PLXNA3: variants seen among roughly 807,000 people sequenced by gnomAD.
The protein encoded by PLXNA3 is plexin A3, also known as plexin-A3.
Under a neutral mutation model 118.8 loss-of-function variants are expected in PLXNA3, and 52 were observed. That is an observed-to-expected ratio of 0.44 (90% CI 0.35 to 0.55). PLXNA3 has a LOEUF of 0.55. PLXNA3 is among the 20% of genes least tolerant of loss of function. PLXNA3 has a pLI of 0.01. For synonymous variants in PLXNA3, 925 were observed against 762.4 expected, an observed-to-expected ratio of 1.21 and a Z score of -3.51; for missense variants, 1,660 against 1,730.8, an observed-to-expected ratio of 0.96 and a Z score of 0.73.
At position 154,464,413 on chromosome X, in the gene PLXNA3, A is replaced by G. The variant is rs782807131; in HGVS notation, c.1840A>G (p.Thr614Ala). ...CGGGACTGCTGCAGGGGCCACCCGC[A>G]CTGTGCGGCTGCAGCTTCTCTCCAA... is the stretch of plus-strand genomic sequence containing the variant. ...ALTRGHGATR[T>A]VRLQLLSKET... The change falls in exon 9 of 33, where the codon ACT becomes GCT. Residue 614 changes from threonine to alanine, a missense_variant. By Grantham distance (58) the Thr-to-Ala change is moderately conservative (BLOSUM62 0). Coordinates refer to ENST00000369682, the MANE Select transcript of PLXNA3 (RefSeq NM_017514.5). 21 of 1,209,107 alleles carry G rather than the reference A, an allele frequency of 1.7e-5. No individual in the cohort carries two copies. Among genetic ancestry groups the G allele is most frequent in the South Asian group, 3.5e-5 (2 of 56,884 alleles).
At position 154,474,834 on chromosome X, in the gene PLXNA3, C is replaced by A. The variant is rs1375039314; in HGVS notation, c.*2149C>A. The A allele has an allele frequency of 1.1e-5, 1 of 87,588 alleles. No individual in the cohort carries two copies. Among genetic ancestry groups the A allele is most frequent in the African/African-American group, 4.4e-5 (1 of 22,881 alleles). 7.2% of individuals were successfully genotyped at this position (87,588 alleles called of 1,213,427 possible). ...AGACGGGATCTTGCCCTGTTGCCCA[C>A]GCTGGAGTGCAGTGGCAAAATCAAC... On this transcript the variant is annotated 3_prime_UTR_variant, in exon 33 of 33. Coordinates refer to ENST00000369682, the MANE Select transcript of PLXNA3 (RefSeq NM_017514.5).
chrX:154,466,713 C>T lies in PLXNA3; in HGVS notation c.3027C>T (p.Asn1009=), dbSNP rs782205745. ...TCACACTTGCCATTGACCGGGCTAA[C>T]ATCTCCAGCCCCGGGCTCATCTACA... The part of the protein sequence containing the change: ...APITLAIDRA[N]ISSPGLIYTY... Residue 1009 remains asparagine, a synonymous_variant, in exon 17 of 33, where the codon AAC becomes AAT. Transcript: ENST00000369682. 5.2e-5 allele frequency: 62 copies of T among 1,195,068 alleles called. No homozygotes were observed. Among genetic ancestry groups the T allele is most frequent in the Non-Finnish European group, 6.5e-5 (58 of 887,418 alleles).
At position 154,465,637 on chromosome X, in the gene PLXNA3, A is replaced by C. The variant is rs374247434; in HGVS notation, c.2342-20A>C. ...TTCTGCCACTGCCTGCTCCGTCAGC[A>C]GTGCCTTCTGTGCCTGCAGCCCTCC... On this transcript the variant is annotated intron_variant, in intron 12 of 32. Transcript: ENST00000369682. 4 of 1,202,695 alleles carry C rather than the reference A, an allele frequency of 3.3e-6. No homozygotes were observed. In the African/African-American group the frequency reaches 5.2e-5, roughly 16 times the overall value.
At chrX:154,469,025 A>G in intron 25 of PLXNA3, 31 bp from the exon 26 acceptor site, 4 of 1,210,346 alleles carry the variant, frequency 3.3e-6, no homozygotes, top group Non-Finnish European at 1.1e-6. Context: ...GCCTCGCCCC[A>G]GACTGACACT....
In PLXNA3 at chrX:154,466,186, C is replaced by T; in HGVS notation, c.2715C>T (p.Ser905=). 8.3e-7 allele frequency: 1 copy of T among 1,210,095 alleles called. No homozygotes were observed. The highest frequency in any genetic ancestry group is 1.1e-6 in the Non-Finnish European group (1 of 895,464). ...AGATGGAGGAGTCGCTGGTGCCCAG[C>T]CCGCCGCCGGGGCCCGTGGAGCTGT... ...VCEMEESLVP[S]PPPGPVELCV... is the part of the protein sequence containing the mutation. The change falls in exon 15 of 33, where the codon AGC becomes AGT. Residue 905 remains serine, a synonymous_variant. Coordinates refer to ENST00000369682, the MANE Select transcript of PLXNA3 (RefSeq NM_017514.5).
rs781998342 is a variant in PLXNA3, at chrX:154,460,806, C to T, written c.594+29C>T. 16 of 1,011,698 alleles carry T rather than the reference C, an allele frequency of 1.6e-5. No homozygotes were observed. The East Asian group carries it at 3.4e-4, about 22-fold the overall frequency. 83.4% of individuals were successfully genotyped at this position (1,011,698 alleles called of 1,213,427 possible). A position where few individuals can be genotyped will look rare whatever the true frequency, so the allele number is the denominator to read the frequency against. ...CGTGAGCCTTCCTTCTCTTCTTCCT[C>T]CACCCAGTCCTGGCTCTGCCTCCCA... On this transcript the variant is annotated intron_variant, in intron 2 of 32. Coordinates refer to ENST00000369682, the MANE Select transcript of PLXNA3 (RefSeq NM_017514.5).
rs782590322 is a variant in PLXNA3, at chrX:154,466,813, G to T, written c.3107+20G>T. 7.0e-6 allele frequency: 8 copies of T among 1,150,884 alleles called. No individual in the cohort carries two copies. The highest frequency in any genetic ancestry group is 2.4e-4 in the Middle Eastern group (1 of 4,129). 94.8% of individuals were successfully genotyped at this position (1,150,884 alleles called of 1,213,427 possible). On this transcript the variant is annotated intron_variant, in intron 17 of 32. Coordinates refer to ENST00000369682, the MANE Select transcript of PLXNA3 (RefSeq NM_017514.5). ...CATCAAGTAAGACCCTGGGGGACTG[G>T]GGAGCCTGGCAGTGTCCAGAGGGCT... is the stretch of plus-strand genomic sequence containing the variant.
At chrX:154,472,436 C>A (rs1408132509) in intron 32 of PLXNA3, among the ~76,000 whole-genome samples, 154 bp from the exon 33 acceptor site, 1 of 106,918 alleles carries the variant, frequency 9.4e-6, no homozygotes, top group Non-Finnish European at 1.9e-5. Flanking sequence ...GCATTTGGGG[C>A]TGGGGAGAGC....
chrX:154,464,612 C>A (rs1385325810), intron 9 of PLXNA3, 111 bp downstream of exon 9: 2 of 688,867 alleles, frequency 2.9e-6, no homozygotes, highest in Non-Finnish European at 2.2e-6. Context: ...AACTGTCAGG[C>A]CCTGATAGCC....
At position 154,468,365 on chromosome X, in the gene PLXNA3, C is replaced by T. The variant is rs782050805; in HGVS notation, c.4026C>T (p.Phe1342=). 7.4e-6 allele frequency: 9 copies of T among 1,209,027 alleles called. No homozygotes were observed. The highest frequency in any genetic ancestry group is 3.5e-5 in the South Asian group (2 of 56,848). ...GGCAGCTGCTGCACAGCCGCGCGTT[C>T]GTGCTTACCTTCATCCACACGCTGG... The part of the protein sequence containing the change: ...LFGQLLHSRA[F]VLTFIHTLEA... Residue 1342 remains phenylalanine, a synonymous_variant, in exon 23 of 33, where the codon TTC becomes TTT. Coordinates refer to ENST00000369682, the MANE Select transcript of PLXNA3 (RefSeq NM_017514.5).
rs781866776 is a variant in PLXNA3 at position 154,461,519 on chromosome X, C to G, written c.1015C>G (p.Leu339Val). 1.1e-5 allele frequency: 13 copies of G among 1,210,557 alleles called. No homozygotes were observed. Among genetic ancestry groups the G allele is most frequent in the South Asian group, 5.3e-5 (3 of 56,930 alleles). The change falls in exon 3 of 33, where the codon CTC becomes GTC. Residue 339 changes from leucine (L) to valine (V), a missense_variant. Around this residue, in one of 2 missense-constraint regions of PLXNA3, gnomAD observed 791 missense variants for 652.1 expected, o/e 1.21. Coordinates refer to ENST00000369682, the MANE Select transcript of PLXNA3 (RefSeq NM_017514.5). Reference protein sequence around the residue: ...ASPPRQTILCLFTLSNINAHI... With the variant: ...ASPPRQTILCVFTLSNINAHI... ...CCCACCCCGGCAGACCATCCTCTGCCTCTTCACCCTCAGCAACATCAATGC... is the reference window on the plus strand; with the variant it reads ...CCCACCCCGGCAGACCATCCTCTGCGTCTTCACCCTCAGCAACATCAATGC...
Position 154,465,708 on chromosome X carries a change from A to G in PLXNA3, c.2393A>G (p.Lys798Arg). 8.3e-7 allele frequency: 1 copy of G among 1,210,452 alleles called. No homozygotes were observed. Among genetic ancestry groups the G allele is most frequent in the Non-Finnish European group, 1.1e-6 (1 of 894,992 alleles). ...AQRPSCGLCL[K>R]ADPRFNCGWC... is the part of the protein sequence containing the mutation. ...CGGCCCAGCTGTGGCCTCTGCCTCA[A>G]GGCTGATCCCCGCTTCAACTGTGGC... Residue 798 changes from lysine (K) to arginine (R), a missense_variant, in exon 13 of 33, where the codon AAG becomes AGG. Lys to Arg is a conservative substitution (Grantham distance 26, BLOSUM62 2). This residue lies in a region of PLXNA3 where 869 missense variants were observed against 1,078.7 expected (regional missense o/e 0.81). Coordinates refer to ENST00000369682, the MANE Select transcript of PLXNA3 (RefSeq NM_017514.5).
chrX:154,461,421 A>G lies in PLXNA3; in HGVS notation c.917A>G (p.Gln306Arg), dbSNP rs781812398. ...GCCAAGCCTGGCCTGCTGCTGGCCC[A>G]GGCCCTGGGCGTGCCGGCTGATGAG... is the stretch of plus-strand genomic sequence containing the variant. ...HLAKPGLLLA[Q>R]ALGVPADEDV... The change falls in exon 3 of 33, where the codon CAG (glutamine) becomes CGG (arginine). Residue 306 changes from glutamine (Q) to arginine (R), a missense_variant. By Grantham distance (43) the Gln-to-Arg change is conservative. Transcript: ENST00000369682. The G allele has an allele frequency of 3.3e-6, 4 of 1,211,293 alleles. No homozygotes were observed. In the South Asian group the frequency reaches 7.0e-5, roughly 21 times the overall value.
In PLXNA3 at chrX:154,463,436, C is replaced by A; in HGVS notation, c.1363C>A (p.Pro455Thr). The change falls in exon 5 of 33, where the codon CCC becomes ACC. Residue 455 changes from proline to threonine, a missense_variant. Physicochemically the swap from Pro to Thr is conservative, Grantham distance 38. Coordinates refer to ENST00000369682, the MANE Select transcript of PLXNA3 (RefSeq NM_017514.5). ...FQDAHLYETV[P>T]VVDGSPILRD... is the part of the protein sequence containing the mutation. ...GGATGCCCACCTGTATGAGACAGTC[C>A]CCGTGGTGGATGGCAGCCCCATCCT... The A allele has an allele frequency of 8.3e-7, 1 of 1,209,842 alleles. No homozygotes were observed. Among genetic ancestry groups the A allele is most frequent in the Non-Finnish European group, 1.1e-6 (1 of 894,743 alleles).
In PLXNA3 at chrX:154,466,770, T is replaced by G; in HGVS notation, c.3084T>G (p.Leu1028=). The stretch of plus-strand genomic sequence containing the variant: ...CTCAGGACCCCACCGTCACCCGCCT[T>G]GAGCCCACCTGGAGCATCATCAAGT... ...TYTQDPTVTR[L]EPTWSIINGS... The change falls in exon 17 of 33, where the codon CTT becomes CTG. Residue 1028 remains leucine (L), a synonymous_variant. Transcript: ENST00000369682. 1.7e-6 allele frequency: 2 copies of G among 1,187,866 alleles called. No individual in the cohort carries two copies. The highest frequency in any genetic ancestry group is 2.3e-6 in the Non-Finnish European group (2 of 883,308).
intron 30 of PLXNA3, 86 bp from the exon 31 acceptor site, chrX:154,471,019 C>A: frequency 1.3e-6 from 1 of 752,231 alleles, no homozygotes; most frequent in Non-Finnish European, 2.0e-6. Flanking sequence ...TGTGAGCCGG[C>A]CCGACAGGAA....
Position 154,463,627 on chromosome X carries a change from A to T in PLXNA3, c.1484A>T (p.Gln495Leu), listed in dbSNP as rs782206383. 2 of 1,204,779 alleles carry T rather than the reference A, an allele frequency of 1.7e-6. No homozygotes were observed. Among genetic ancestry groups the T allele is most frequent in the Non-Finnish European group, 2.2e-6 (2 of 893,506 alleles). Residue 495 changes from glutamine to leucine, a missense_variant, in exon 6 of 33, where the codon CAG (glutamine) becomes CTG (leucine). This residue lies in a region of PLXNA3 where 791 missense variants were observed against 652.1 expected (regional missense o/e 1.21). Transcript: ENST00000369682. Reference sequence around the variant, plus strand: ...CCGGTGGAGACCTGTGAGCAGTACCAGAGCTGCGCAGCCTGCCTGGGCTCC... The same window carrying T: ...CCGGTGGAGACCTGTGAGCAGTACCTGAGCTGCGCAGCCTGCCTGGGCTCC... ...QLPVETCEQY[Q>L]SCAACLGSGD...
intron 4 of PLXNA3, among the ~76,000 whole-genome samples, chrX:154,463,156 C>G (rs2069006098): frequency 9.0e-6 from 1 of 111,533 alleles, no homozygotes; most frequent in Non-Finnish European, 1.9e-5. Flanking sequence ...AGCTCTTCCC[C>G]TCCCCTGCAT....
chrX:154,460,021 C>G, intron 1 of PLXNA3, 136 bp from the exon 2 acceptor site: 1 of 433,825 alleles, frequency 2.3e-6, no homozygotes, highest in African/African-American at 2.4e-5. Flanking sequence ...GCTGGCTGCT[C>G]ACTCATGCGC....
Sources: gnomAD v4.1 joint callset for allele counts (sites outside exome capture counted in the v4.1 genomes callset) on GRCh38, gnomAD v4.1.1 for gene constraint, gnomAD v4.1.1 regional missense constraint, MANE v1.5 for transcripts, NCBI Gene and HGNC (gene_info 2026-07-23, HGNC 2026-07-21) for gene names.